Variants in NTM observed in about 807,000 individuals in gnomAD.
NTM encodes the protein neurotrimin.
In NTM, 13 loss-of-function variants were observed where a neutral mutation model predicts 42.1. That is an observed-to-expected ratio of 0.31 (90% CI 0.20 to 0.49). The LOEUF is 0.49. Among genes scored for constraint, NTM ranks in the 20% least tolerant of loss-of-function variants. The pLI is 0.99. For synonymous variants in NTM, 187 were observed against 179.2 expected, an observed-to-expected ratio of 1.04 and a Z score of -0.35; for missense variants, 373 against 452.8, an observed-to-expected ratio of 0.82 and a Z score of 1.60.
chr11:131,541,351 T>A (rs1038172855), intron 1 of NTM, among the ~76,000 whole-genome samples: 7 of 152,216 alleles, frequency 4.6e-5, no homozygotes, highest in Non-Finnish European at 7.3e-5. Flanking sequence ...CGCTCCAGAA[T>A]TGCTAGCTTT....
At position 132,108,727 on chromosome 11, in the gene NTM, TAA is replaced by T. The variant is rs534309683; in HGVS notation, c.168-37554_168-37553del. 2.7e-3 allele frequency among the ~76,000 whole-genome samples: 409 copies of T among 152,284 alleles called. 4 individuals are homozygous for T. Among genetic ancestry groups the T allele is most frequent in the Non-Finnish European group, 8.7e-4 (59 of 68,022 alleles). On this transcript the variant is annotated intron_variant, in intron 2 of 8. Coordinates refer to ENST00000683400, the MANE Select transcript of NTM (RefSeq NM_001352005.2). ...AAATATTTTTATTATTATTATACTTTAAGTTCTGGGGTACATATGCAGGATGT... is the reference window on the plus strand; with the variant it reads ...AAATATTTTTATTATTATTATACTTTGTTCTGGGGTACATATGCAGGATGT...
intron 1 of NTM, among the ~76,000 whole-genome samples, chr11:131,745,216 C>T (rs1236664463): frequency 6.6e-6 from 1 of 152,112 alleles, no homozygotes; most frequent in East Asian, 1.9e-4. Context: ...CTCGAGCTTT[C>T]CCTGTAGGAC....
intron 2 of NTM, among the ~76,000 whole-genome samples, chr11:132,093,971 T>C (rs749931038): frequency 6.6e-6 from 1 of 152,134 alleles, no homozygotes; most frequent in Non-Finnish European, 1.5e-5. Flanking sequence ...CGCAGCTACG[T>C]GGTGAAGACT....
intron 2 of NTM, among the ~76,000 whole-genome samples, chr11:131,952,753 C>T (rs901058330): frequency 6.6e-6 from 1 of 152,162 alleles, no homozygotes; most frequent in African/African-American, 2.4e-5. Flanking sequence ...ATTACTCCAA[C>T]ACAAAGATAC....
chr11:132,299,069 G>A (rs1331162938), intron 4 of NTM, among the ~76,000 whole-genome samples: 1 of 152,222 alleles, frequency 6.6e-6, no homozygotes, highest in African/African-American at 2.4e-5. Context: ...GCCAAGAAGG[G>A]TGGATCATGA....
intron 1 of NTM, among the ~76,000 whole-genome samples, chr11:131,873,075 C>T (rs756412565): frequency 4.6e-5 from 7 of 152,108 alleles, no homozygotes; most frequent in Non-Finnish European, 7.3e-5. Flanking sequence ...ATGTTTATTG[C>T]AGCACCATTT....
intron 1 of NTM, among the ~76,000 whole-genome samples, chr11:131,852,986 G>T (rs74403294): frequency 7.5e-4 from 105 of 139,620 alleles, no homozygotes; most frequent in Admixed American, 7.8e-4. Context: ...ATTCACCCAC[G>T]CATCCATCCA....
intron 1 of NTM, among the ~76,000 whole-genome samples, chr11:131,401,849 TATATATATATA>T (rs1945272153): frequency 9.8e-6 from 1 of 102,524 alleles, no homozygotes; most frequent in Admixed American, 1.1e-4. Context: ...TATATATATA[TATATATATATA>T]TTTTAATTTA....
intron 1 of NTM, among the ~76,000 whole-genome samples, chr11:131,676,491 G>C (rs544287663): frequency 6.6e-6 from 1 of 152,322 alleles, no homozygotes; most frequent in East Asian, 1.9e-4. Flanking sequence ...GGGTATGCCT[G>C]TGTGTGCGCA....
intron 1 of NTM, among the ~76,000 whole-genome samples, chr11:131,504,644 G>A (rs560338947): frequency 1.7e-4 from 26 of 152,116 alleles, no homozygotes; most frequent in African/African-American, 5.1e-4. Context: ...TGTCTACCTC[G>A]ACCTGCACTG....
rs144601008 is a variant in NTM at position 132,136,681 on chromosome 11, A to G, written c.168-9601A>G. ...TAACTGGAAGGGAAATGGCAGCTGCATGTGGTCTGGGGTATGATTTTGGTC... is the reference window on the plus strand; with the variant it reads ...TAACTGGAAGGGAAATGGCAGCTGCGTGTGGTCTGGGGTATGATTTTGGTC... On this transcript the variant is annotated intron_variant, in intron 2 of 8. Transcript: ENST00000683400. Among the ~76,000 whole-genome samples, 4 of 152,286 alleles carry G rather than the reference A, an allele frequency of 2.6e-5. No individual in the cohort carries two copies. In the East Asian group the frequency reaches 7.7e-4, roughly 29 times the overall value.
At chr11:131,862,593 AC>A (rs1187051395) in intron 1 of NTM, among the ~76,000 whole-genome samples, 3 of 152,214 alleles carry the variant, frequency 2.0e-5, no homozygotes, top group African/African-American at 7.2e-5. Context: ...AAAAGAATAT[AC>A]CATATCTAAG....
At chr11:131,842,064 C>A (rs2044323294) in intron 1 of NTM, among the ~76,000 whole-genome samples, 1 of 152,184 alleles carries the variant, frequency 6.6e-6, no homozygotes, top group Non-Finnish European at 1.5e-5. Flanking sequence ...CCCCAACTTG[C>A]ACCACATGAG....
chr11:131,578,250 G>GA (rs34757992), intron 1 of NTM, among the ~76,000 whole-genome samples: 1 of 152,240 alleles, frequency 6.6e-6, no homozygotes, highest in Non-Finnish European at 1.5e-5. Context: ...ATTTCACAGG[G>GA]AAAAAATGCA....
chr11:131,401,816 A>ATATATATATATATATATGTG (rs1945197280), intron 1 of NTM, among the ~76,000 whole-genome samples: 29 of 33,262 alleles, frequency 8.7e-4, no homozygotes, highest in Middle Eastern at 0.015. Flanking sequence ...ATATATATAT[A>ATATATATATATATATATGTG]TATATATATA....
intron 1 of NTM, among the ~76,000 whole-genome samples, chr11:131,444,203 CA>C (rs71475757): frequency 0.016 from 776 of 49,472 alleles, no homozygotes; most frequent in East Asian, 0.025. Flanking sequence ...AGGTTAGAAC[CA>C]AAAAAAAAAA....
intron 2 of NTM, among the ~76,000 whole-genome samples, chr11:132,030,801 G>T (rs2075817221): frequency 6.6e-6 from 1 of 152,218 alleles, no homozygotes; most frequent in Non-Finnish European, 1.5e-5. Context: ...CAGAGAGATA[G>T]TGGGAAGCTA....
intron 1 of NTM, among the ~76,000 whole-genome samples, chr11:131,709,780 A>G (rs2076937904): frequency 6.6e-6 from 1 of 152,210 alleles, no homozygotes; most frequent in African/African-American, 2.4e-5. Context: ...AATGGAGCGA[A>G]TATAGATACA....
At chr11:131,811,268 G>C (rs898867499) in intron 1 of NTM, among the ~76,000 whole-genome samples, 3 of 152,294 alleles carry the variant, frequency 2.0e-5, no homozygotes, top group Non-Finnish European at 4.4e-5. Context: ...CTCATCCTTT[G>C]TGTCCTCATA....
Sources: allele counts gnomAD v4.1 joint callset (sites outside exome capture counted in the v4.1 genomes callset), GRCh38; gene constraint gnomAD v4.1.1; transcripts MANE v1.5; gene names NCBI Gene and HGNC (gene_info 2026-07-23, HGNC 2026-07-21).